The following AGMO variants were observed in gnomAD, a reference collection of about 807,000 sequenced individuals.
AGMO encodes the protein glyceryl-ether monooxygenase.
A neutral mutation model predicts 60.2 loss-of-function variants in AGMO; 75 were observed. The ratio of observed to expected loss-of-function variants is 1.25; its 90% CI spans 1.03 to 1.51. The LOEUF (loss-of-function observed/expected upper bound fraction) is 1.51, where lower values mean the gene tolerates loss of function less well. Ranked by LOEUF, AGMO falls within the 40% of genes most tolerant of loss-of-function variation. The pLI is 0.00. For missense variants in AGMO, 763 were observed against 525.5 expected (o/e 1.45, Z -4.42); for synonymous variants, 261 against 177.1 (o/e 1.47, Z -3.76).
intron 3 of AGMO, among the ~76,000 whole-genome samples, chr7:15,497,426 T>C (rs961779332): frequency 4.6e-5 from 7 of 152,042 alleles, no homozygotes; most frequent in African/African-American, 1.4e-4. Flanking sequence ...TAAAATCTAG[T>C]TGAGAAACTA....
At chr7:15,452,010 T>A (rs1054956920) in intron 3 of AGMO, among the ~76,000 whole-genome samples, 4 of 152,098 alleles carry the variant, frequency 2.6e-5, no homozygotes, top group Non-Finnish European at 5.9e-5. Flanking sequence ...CTAAGTTAGG[T>A]TTTCAATCTT....
At chr7:15,319,896 C>A (rs1421879403) in intron 12 of AGMO, among the ~76,000 whole-genome samples, 3 of 152,084 alleles carry the variant, frequency 2.0e-5, no homozygotes, top group African/African-American at 7.2e-5. Flanking sequence ...AAAGGATTAT[C>A]TAGATAGTAT....
intron 3 of AGMO, among the ~76,000 whole-genome samples, chr7:15,471,929 C>T (rs561999594): frequency 6.6e-6 from 1 of 151,880 alleles, no homozygotes; most frequent in East Asian, 1.9e-4. Context: ...GAAGTATAGG[C>T]TGATTAGCAA....
intron 12 of AGMO, among the ~76,000 whole-genome samples, chr7:15,224,850 C>A (rs916119522): frequency 6.6e-6 from 1 of 151,912 alleles, no homozygotes; most frequent in East Asian, 1.9e-4. Flanking sequence ...ATTATATTTA[C>A]AAATTTTAAA....
intron 3 of AGMO, among the ~76,000 whole-genome samples, chr7:15,494,059 T>G (rs1448792961): frequency 1.3e-5 from 2 of 152,308 alleles, no homozygotes; most frequent in South Asian, 4.1e-4. Context: ...ATTTCCTCCT[T>G]GACACTGGGT....
At chr7:15,401,215 C>G (rs1159130464) in intron 5 of AGMO, among the ~76,000 whole-genome samples, 1 of 152,042 alleles carries the variant, frequency 6.6e-6, no homozygotes, top group Admixed American at 6.6e-5. Flanking sequence ...TTGAATTCTA[C>G]AAAGCATCAA....
intron 3 of AGMO, among the ~76,000 whole-genome samples, chr7:15,466,841 G>A (rs765576930): frequency 6.6e-6 from 1 of 152,040 alleles, no homozygotes; most frequent in Non-Finnish European, 1.5e-5. Context: ...TTATGAGTCC[G>A]GATTCCATAC....
chr7:15,453,066 G>C (rs1370726940), intron 3 of AGMO, among the ~76,000 whole-genome samples: 1 of 152,102 alleles, frequency 6.6e-6, no homozygotes, highest in Non-Finnish European at 1.5e-5. Flanking sequence ...AAGGGTGAGG[G>C]AGGGAGGGGA....
chr7:15,480,759 T>C (rs1199753693), intron 3 of AGMO, among the ~76,000 whole-genome samples: 1 of 152,046 alleles, frequency 6.6e-6, no homozygotes, highest in Non-Finnish European at 1.5e-5. Flanking sequence ...ATAAAGAAAA[T>C]TATTGTCAAA....
chr7:15,447,009 C>A (rs1045883151), intron 3 of AGMO, among the ~76,000 whole-genome samples: 2 of 152,110 alleles, frequency 1.3e-5, no homozygotes, highest in African/African-American at 2.4e-5. Flanking sequence ...GCTCAAAGCT[C>A]TTAGTAGTTG....
intron 10 of AGMO, among the ~76,000 whole-genome samples, chr7:15,385,027 G>T (rs2128482846): frequency 6.6e-6 from 1 of 151,802 alleles, no homozygotes; most frequent in South Asian, 2.1e-4. Flanking sequence ...TCAAACTAAA[G>T]GAATTAAACT....
intron 3 of AGMO, among the ~76,000 whole-genome samples, chr7:15,528,522 T>C (rs1784185232): frequency 6.6e-6 from 1 of 152,150 alleles, no homozygotes; most frequent in Non-Finnish European, 1.5e-5. Flanking sequence ...AAAAAATATT[T>C]AACCTCAATC....
intron 12 of AGMO, among the ~76,000 whole-genome samples, chr7:15,254,077 A>T (rs573615903): frequency 6.6e-6 from 1 of 152,230 alleles, no homozygotes; most frequent in African/African-American, 2.4e-5. Context: ...ATAGTATTCC[A>T]TTGTGGATAT....
At chr7:15,346,005 A>G (rs1384016094) in intron 12 of AGMO, among the ~76,000 whole-genome samples, 3 of 152,196 alleles carry the variant, frequency 2.0e-5, no homozygotes, top group Non-Finnish European at 2.9e-5. Context: ...TTATTGATCA[A>G]TATAGCTGAA....
chr7:15,145,019 G>A, the AGMO span, among the ~76,000 whole-genome samples: 2 of 152,094 alleles, frequency 1.3e-5, no homozygotes, highest in African/African-American at 4.8e-5. Context: ...TAGTAGGGAC[G>A]GGGTTTCACC....
intron 12 of AGMO, among the ~76,000 whole-genome samples, chr7:15,326,973 T>A (rs910732299): frequency 6.6e-6 from 1 of 152,148 alleles, no homozygotes; most frequent in Non-Finnish European, 1.5e-5. Flanking sequence ...AGGCTAGAAT[T>A]TGGCATTTTT....
At chr7:15,461,438 C>T (rs1042545630) in intron 3 of AGMO, among the ~76,000 whole-genome samples, 2 of 151,412 alleles carry the variant, frequency 1.3e-5, no homozygotes, top group African/African-American at 4.9e-5. Flanking sequence ...TAGTAATCAT[C>T]ATGTATTATA....
chr7:15,227,495 T>C (rs1312265529), intron 12 of AGMO, among the ~76,000 whole-genome samples: 7 of 148,628 alleles, frequency 4.7e-5, no homozygotes, highest in Non-Finnish European at 8.9e-5. Flanking sequence ...CTTGAGTTTA[T>C]AGGATGGCAG....
chr7:15,531,328 T>C (rs866399569), intron 3 of AGMO, among the ~76,000 whole-genome samples: 82 of 12,632 alleles, frequency 6.5e-3, no homozygotes, highest in African/African-American at 0.045. Context: ...ATATATTCTA[T>C]ATATATTCTA....
Sources: allele counts gnomAD v4.1 joint callset (sites outside exome capture counted in the v4.1 genomes callset), GRCh38; gene constraint gnomAD v4.1.1; transcripts MANE v1.5; gene names NCBI Gene and HGNC (gene_info 2026-07-23, HGNC 2026-07-21).